The following ATP6V0A4 variants were observed in gnomAD, a reference collection of about 807,000 sequenced individuals.
ATP6V0A4 encodes the protein ATPase H+ transporting V0 subunit a4.
Under a neutral mutation model 107.3 loss-of-function variants are expected in ATP6V0A4, and 86 were observed. That is an observed-to-expected ratio of 0.80 (90% CI 0.67 to 0.96). The LOEUF is 0.96. Among genes scored for constraint, ATP6V0A4 ranks in the 40% least tolerant of loss-of-function variants. The pLI, the probability that ATP6V0A4 is intolerant of heterozygous loss-of-function variation, is 0.00. For synonymous variants in ATP6V0A4, 353 were observed against 381.4 expected (o/e 0.93, Z 0.87); for missense variants, 908 against 1,045.6 (o/e 0.87, Z 1.81).
intron 2 of ATP6V0A4, among the ~76,000 whole-genome samples, chr7:138,785,717 A>G (rs142967758): frequency 1.3e-5 from 2 of 152,242 alleles, no homozygotes; most frequent in East Asian, 1.9e-4. Context: ...AATGAATTCA[A>G]CTTCCTCCAT....
At chr7:138,788,712 T>C (rs1808270768) in intron 1 of ATP6V0A4, among the ~76,000 whole-genome samples, 1 of 152,170 alleles carries the variant, frequency 6.6e-6, no homozygotes, top group African/African-American at 2.4e-5. Flanking sequence ...TGGGAGGTAA[T>C]TGAATCATGG....
intron 2 of ATP6V0A4, among the ~76,000 whole-genome samples, chr7:138,772,785 G>T (rs1238558198): frequency 2.0e-5 from 3 of 152,150 alleles, no homozygotes; most frequent in African/African-American, 7.2e-5. Flanking sequence ...AAACTCTGGG[G>T]TGGGGCAGTT....
chr7:138,742,930 G>GTTTTTTTTTT (rs1805708180), intron 14 of ATP6V0A4, among the ~76,000 whole-genome samples: 1 of 147,240 alleles, frequency 6.8e-6, no homozygotes. Flanking sequence ...AGATATAGCT[G>GTTTTTTTTTT]TCTGTATGTC....
chr7:138,747,413 A>G lies in ATP6V0A4; in HGVS notation c.1320+12T>C, dbSNP rs1383230158. The G allele has an allele frequency of 4.3e-6, 7 of 1,613,686 alleles. No homozygotes were observed. The highest frequency in any genetic ancestry group is 2.2e-5 in the East Asian group (1 of 44,878). Reference sequence around the variant, plus strand: ...AAAATGAATCAGGGCAAGACGGTCAATGGACACTCACCTCATTGTCTGTCT... The same window carrying G: ...AAAATGAATCAGGGCAAGACGGTCAGTGGACACTCACCTCATTGTCTGTCT... On this transcript the variant is annotated intron_variant, in intron 13 of 21. Coordinates refer to ENST00000310018, the MANE Select transcript of ATP6V0A4 (RefSeq NM_020632.3).
intron 20 of ATP6V0A4, among the ~76,000 whole-genome samples, chr7:138,715,223 A>T (rs1803974166): frequency 1.3e-5 from 2 of 152,172 alleles, no homozygotes; most frequent in South Asian, 4.1e-4. Flanking sequence ...TTTGTTTGAG[A>T]CGGAGTCTCA....
chr7:138,778,428 T>TTA (rs56126323), intron 2 of ATP6V0A4, among the ~76,000 whole-genome samples: 2,292 of 147,984 alleles, frequency 0.015, 56 homozygotes, highest in African/African-American at 0.048. Context: ...ACATCTCATT[T>TTA]TATATATATA....
At chr7:138,710,589 A>G (rs1803689747) in intron 20 of ATP6V0A4, among the ~76,000 whole-genome samples, 1 of 152,218 alleles carries the variant, frequency 6.6e-6, no homozygotes, top group Non-Finnish European at 1.5e-5. Context: ...AACATGCTAT[A>G]TTTCAAAGTA....
At chr7:138,770,514 G>A (rs756255048) in intron 3 of ATP6V0A4, among the ~76,000 whole-genome samples, 2 of 152,166 alleles carry the variant, frequency 1.3e-5, no homozygotes, top group Admixed American at 6.5e-5. Context: ...CTAGGGATGC[G>A]AACAACAAGA....
intron 12 of ATP6V0A4, among the ~76,000 whole-genome samples, chr7:138,748,367 C>G (rs419176): frequency 0.53 from 80,784 of 151,904 alleles, 22,177 homozygotes; most frequent in African/African-American, 0.64. Context: ...ACCATGCACT[C>G]CTTGGATAAA....
chr7:138,732,577 T>G (rs1193559904), intron 17 of ATP6V0A4, among the ~76,000 whole-genome samples: 1 of 152,012 alleles, frequency 6.6e-6, no homozygotes, highest in Non-Finnish European at 1.5e-5. Flanking sequence ...GTAGATTGCT[T>G]GAGGTCATGA....
At chr7:138,745,978 T>TATATATATAA (rs1367872235) in intron 13 of ATP6V0A4, among the ~76,000 whole-genome samples, 2 of 122,850 alleles carry the variant, frequency 1.6e-5, no homozygotes, top group African/African-American at 6.5e-5. Context: ...TATATATATA[T>TATATATATAA]AAAATATATA....
intron 20 of ATP6V0A4, among the ~76,000 whole-genome samples, chr7:138,712,144 C>G (rs1232379193): frequency 6.6e-6 from 1 of 152,210 alleles, no homozygotes; most frequent in Non-Finnish European, 1.5e-5. Context: ...GTTGGCCAGG[C>G]TGGTCTCGAA....
chr7:138,791,198 C>T (rs771625650), intron 1 of ATP6V0A4, among the ~76,000 whole-genome samples: 10 of 151,632 alleles, frequency 6.6e-5, no homozygotes, highest in African/African-American at 1.2e-4. Context: ...CTAAGATAAT[C>T]GAAATTAAGA....
intron 19 of ATP6V0A4, among the ~76,000 whole-genome samples, chr7:138,719,547 A>G (rs913586137): frequency 2.6e-5 from 4 of 152,178 alleles, no homozygotes; most frequent in African/African-American, 9.7e-5. Flanking sequence ...AACTCCAGTA[A>G]AACTTTGGAC....
At chr7:138,781,841 CTCTT>C (rs1415476691) in intron 2 of ATP6V0A4, among the ~76,000 whole-genome samples, 1 of 41,578 alleles carries the variant, frequency 2.4e-5, no homozygotes, top group Non-Finnish European at 4.7e-5. Flanking sequence ...GTCTCTCTCT[CTCTT>C]TTTTTTTTTT....
chr7:138,769,862 G>A (rs1807288865), intron 3 of ATP6V0A4, among the ~76,000 whole-genome samples: 5 of 152,082 alleles, frequency 3.3e-5, no homozygotes, highest in Admixed American at 2.0e-4. Flanking sequence ...TGGATCCCTT[G>A]AGCCCAGGAG....
chr7:138,797,624 G>A (rs1373299688), intron 1 of ATP6V0A4, among the ~76,000 whole-genome samples: 1 of 152,052 alleles, frequency 6.6e-6, no homozygotes, highest in Non-Finnish European at 1.5e-5. Flanking sequence ...CGGTTCTGGG[G>A]TTGAATGATG....
intron 20 of ATP6V0A4, among the ~76,000 whole-genome samples, chr7:138,715,509 GT>G (rs1562978122): frequency 0.02 from 2,181 of 109,564 alleles, 39 homozygotes; most frequent in East Asian, 0.083. Flanking sequence ...CCAAATTTGT[GT>G]TGTTTTAAGC....
chr7:138,793,870 C>T (rs1345181859), intron 1 of ATP6V0A4, among the ~76,000 whole-genome samples: 2 of 152,138 alleles, frequency 1.3e-5, no homozygotes, highest in Non-Finnish European at 2.9e-5. Context: ...CACCGCCTCC[C>T]AGTGCAATTT....
Sources: allele counts gnomAD v4.1 joint callset (sites outside exome capture counted in the v4.1 genomes callset), GRCh38; gene constraint gnomAD v4.1.1; transcripts MANE v1.5; gene names NCBI Gene and HGNC (gene_info 2026-07-23, HGNC 2026-07-21).